SGK3: variants seen among roughly 807,000 people sequenced by gnomAD.
SGK3 encodes serum/glucocorticoid regulated kinase family member 3.
A neutral mutation model predicts 68.5 loss-of-function variants in SGK3; 47 were observed. The observed-to-expected ratio is 0.69, with a 90% CI of 0.54 to 0.87. The LOEUF is 0.87. Among genes scored for constraint, SGK3 ranks in the 40% least tolerant of loss-of-function variants. SGK3 has a pLI of 0.00. For missense variants in SGK3, 479 were observed against 575.5 expected (o/e 0.83, Z 1.72); for synonymous variants, 181 against 189.1 (o/e 0.96, Z 0.35).
At chr8:66,840,377 CGGTA>C in intron 12 of SGK3, 130 bp downstream of exon 12, 1 of 938,272 alleles carries the variant, frequency 1.1e-6, no homozygotes, top group East Asian at 2.7e-5. Context: ...AATGACAAAA[CGGTA>C]GGGATGGAGA....
At chr8:66,779,681 GCA>G (rs1491108750) in intron 1 of SGK3, among the ~76,000 whole-genome samples, 4 of 133,296 alleles carry the variant, frequency 3.0e-5, no homozygotes, top group Non-Finnish European at 6.2e-5. Context: ...TAAAATTAGG[GCA>G]TATATATATA....
In SGK3 at chr8:66,723,126, TATATA is replaced by T. The variant is rs1157938482; in HGVS notation, c.-122+10294_-122+10298del. On this transcript the variant is annotated intron_variant, in intron 1 of 16. Coordinates refer to ENST00000521198, the MANE Select transcript of SGK3 (RefSeq NM_001033578.3). ...ATATATATATATATATATATATATA[TATATA>T]TTTTTTTTTTTTTTTTTTTTTGTAA... Among the ~76,000 whole-genome samples the T allele has an allele frequency of 3.9e-4, 23 of 58,792 alleles. 1 individual carries two copies. In the East Asian group the frequency reaches 4.2e-3, roughly 11 times the overall value. 38.6% of individuals were successfully genotyped at this position (58,792 alleles called of 152,430 possible). A position where few individuals can be genotyped will look rare whatever the true frequency, so the allele number is the denominator to read the frequency against.
chr8:66,827,925 CA>C (rs1382982487), intron 6 of SGK3, among the ~76,000 whole-genome samples: 2 of 151,986 alleles, frequency 1.3e-5, no homozygotes, highest in African/African-American at 4.8e-5. Context: ...AGATCGAGAC[CA>C]TCCTGGCTAA....
At chr8:66,766,537 A>G (rs1806325175) in intron 1 of SGK3, among the ~76,000 whole-genome samples, 1 of 152,076 alleles carries the variant, frequency 6.6e-6, no homozygotes, top group Non-Finnish European at 1.5e-5. Context: ...TAAATAAATA[A>G]ATAAATAAAT....
intron 16 of SGK3, among the ~76,000 whole-genome samples, chr8:66,856,007 A>G (rs527290831): frequency 6.6e-6 from 1 of 152,314 alleles, no homozygotes; most frequent in African/African-American, 2.4e-5. Context: ...TCAAAATTAA[A>G]GTTCCAGAAC....
intron 1 of SGK3, among the ~76,000 whole-genome samples, chr8:66,748,948 G>T (rs78285515): frequency 0.13 from 19,474 of 151,842 alleles, 2,322 homozygotes; most frequent in African/African-American, 0.31. Context: ...AGGCTGGAGT[G>T]CAGTGACACT....
chr8:66,828,053 G>T (rs1418144098), intron 6 of SGK3, among the ~76,000 whole-genome samples: 1 of 151,968 alleles, frequency 6.6e-6, no homozygotes, highest in Non-Finnish European at 1.5e-5. Flanking sequence ...GAAGCGGGGA[G>T]GCGGAGCTTG....
intron 1 of SGK3, among the ~76,000 whole-genome samples, chr8:66,752,872 A>G (rs1805859987): frequency 6.6e-6 from 1 of 152,028 alleles, no homozygotes; most frequent in South Asian, 2.1e-4. Context: ...TTTTAGAGAC[A>G]GGGTCTCACT....
intron 1 of SGK3, among the ~76,000 whole-genome samples, chr8:66,735,906 G>A (rs1805304224): frequency 6.6e-6 from 1 of 151,958 alleles, no homozygotes; most frequent in African/African-American, 2.4e-5. Context: ...TCCAAATGTT[G>A]GTGTAATAAT....
At chr8:66,810,797 T>G (rs552236812) in intron 4 of SGK3, among the ~76,000 whole-genome samples, 102 of 152,178 alleles carry the variant, frequency 6.7e-4, no homozygotes, top group African/African-American at 2.2e-3. Flanking sequence ...TTCTATGGGG[T>G]TTTTGCTTAT....
At chr8:66,838,508 T>G (rs1809634689) in intron 10 of SGK3, among the ~76,000 whole-genome samples, 1 of 152,210 alleles carries the variant, frequency 6.6e-6, no homozygotes, top group Non-Finnish European at 1.5e-5. Flanking sequence ...TGCCACCTTG[T>G]GTCTTTGAAA....
chr8:66,808,236 A>G (rs1808242381), intron 4 of SGK3, among the ~76,000 whole-genome samples: 1 of 152,222 alleles, frequency 6.6e-6, no homozygotes, highest in Non-Finnish European at 1.5e-5. Context: ...TAAAAATGCA[A>G]TAACAAAGCA....
intron 1 of SGK3, chr8:66,767,340 TAAAC>T (rs1300800336): frequency 2.2e-5 from 22 of 1,020,732 alleles, no homozygotes; most frequent in Non-Finnish European, 3.0e-5. Context: ...TTTTTTCTGT[TAAAC>T]AAATAATGCT....
chr8:66,802,886 TCTCTA>T (rs1348235633), intron 3 of SGK3, among the ~76,000 whole-genome samples: 1 of 152,164 alleles, frequency 6.6e-6, no homozygotes, highest in African/African-American at 2.4e-5. Context: ...TCCTGGTTCA[TCTCTA>T]TCCCTAGCCA....
intron 1 of SGK3, among the ~76,000 whole-genome samples, chr8:66,740,496 A>G (rs1159457689): frequency 1.3e-5 from 2 of 152,208 alleles, no homozygotes; most frequent in African/African-American, 4.8e-5. Flanking sequence ...CAGTTCATGG[A>G]ACATAGTAAC....
intron 1 of SGK3, among the ~76,000 whole-genome samples, chr8:66,714,996 C>T (rs191893071): frequency 1.3e-5 from 2 of 152,278 alleles, no homozygotes; most frequent in Admixed American, 1.3e-4. Flanking sequence ...CTCAAAATAC[C>T]GTAGTAATTG....
intron 1 of SGK3, among the ~76,000 whole-genome samples, chr8:66,755,645 C>T (rs377275580): frequency 4.7e-4 from 71 of 152,270 alleles, no homozygotes; most frequent in African/African-American, 1.4e-3. Context: ...ACAGCACTCC[C>T]GTACTCATTG....
intron 13 of SGK3, among the ~76,000 whole-genome samples, chr8:66,842,223 CTTT>C (rs1237528455): frequency 3.6e-5 from 5 of 137,712 alleles, no homozygotes; most frequent in Admixed American, 1.5e-4. Flanking sequence ...TTTTCTTTTC[CTTT>C]TTTTTTTTTT....
chr8:66,806,651 A>C (rs1237685619), intron 4 of SGK3, among the ~76,000 whole-genome samples: 2 of 152,016 alleles, frequency 1.3e-5, no homozygotes, highest in Non-Finnish European at 2.9e-5. Flanking sequence ...CGTCTTTACT[A>C]AAAATAGAAA....
Sources: allele counts gnomAD v4.1 joint callset (sites outside exome capture counted in the v4.1 genomes callset), GRCh38; gene constraint gnomAD v4.1.1; transcripts MANE v1.5; gene names NCBI Gene and HGNC (gene_info 2026-07-23, HGNC 2026-07-21).